The following VWA8 variants were observed in gnomAD, a reference collection of about 807,000 sequenced individuals.
VWA8 encodes von Willebrand factor A domain-containing protein 8.
Under a neutral mutation model 241.5 loss-of-function variants are expected in VWA8, and 221 were observed. The observed-to-expected ratio is 0.91, with a 90% CI of 0.82 to 1.02. VWA8 has a LOEUF of 1.02. Among genes scored for constraint, VWA8 ranks in the 50% least tolerant of loss-of-function variants. The probability of loss-of-function intolerance (pLI) is 0.00; values close to 1 mark genes in which losing one functional copy is unlikely to be tolerated. For synonymous variants in VWA8, 852 were observed against 827.1 expected (o/e 1.03, Z -0.52); for missense variants, 2,322 against 2,328.7 (o/e 1.00, Z 0.06).
At position 41,614,047 on chromosome 13, in the gene VWA8, A is replaced by G. The variant is rs1387267661; in HGVS notation, c.4720+929T>C. ...CCACATCTGGCCAGCTCGTCCCACA[A>G]TGCATTCCATATGGATTAAATCTTG... is the stretch of plus-strand genomic sequence containing the variant. On this transcript the variant is annotated intron_variant, in intron 38 of 44. Coordinates refer to ENST00000379310, the MANE Select transcript of VWA8 (RefSeq NM_015058.2). Among the ~76,000 whole-genome samples the G allele has an allele frequency of 1.1e-3, 170 of 152,344 alleles. 1 individual carries two copies. The highest frequency in any genetic ancestry group is 2.4e-4 in the Non-Finnish European group (16 of 68,026).
intron 40 of VWA8, among the ~76,000 whole-genome samples, chr13:41,599,383 T>C (rs1374311141): frequency 6.6e-6 from 1 of 152,156 alleles, no homozygotes; most frequent in African/African-American, 2.4e-5. Flanking sequence ...ATACTTCAAA[T>C]TTCTTTGAAT....
intron 43 of VWA8, among the ~76,000 whole-genome samples, chr13:41,571,145 TGATGTG>T (rs2139630249): frequency 6.6e-6 from 1 of 152,120 alleles, no homozygotes; most frequent in South Asian, 2.1e-4. Flanking sequence ...CTTAAAATTG[TGATGTG>T]CATTTTTCTG....
chr13:41,625,810 T>C (rs1353884750), intron 37 of VWA8, among the ~76,000 whole-genome samples: 5 of 151,592 alleles, frequency 3.3e-5, no homozygotes, highest in African/African-American at 4.9e-5. Flanking sequence ...CTATTCACAA[T>C]AGCAAAGATT....
intron 16 of VWA8, among the ~76,000 whole-genome samples, chr13:41,814,846 G>T (rs994908860): frequency 6.6e-6 from 1 of 152,108 alleles, no homozygotes. Flanking sequence ...ATGCTGGGGA[G>T]ACTACAGGGA....
Position 41,761,127 on chromosome 13 carries a change from C to G in VWA8, c.2426+1G>C. ...AGAGGTTGTGGGTCTAATAGTCTTACCTGTGTAGCTGAATATATTCTCGGG... is the reference window on the plus strand; with the variant it reads ...AGAGGTTGTGGGTCTAATAGTCTTAGCTGTGTAGCTGAATATATTCTCGGG... On this transcript the variant is annotated splice_donor_variant, in intron 21 of 44. Transcript: ENST00000379310. LOFTEE classifies it high-confidence loss of function. 6 of 1,610,274 alleles carry G rather than the reference C, an allele frequency of 3.7e-6. No homozygotes were observed. The highest frequency in any genetic ancestry group is 5.1e-6 in the Non-Finnish European group (6 of 1,177,834).
chr13:41,581,779 T>C (rs61293753), intron 42 of VWA8, among the ~76,000 whole-genome samples: 3 of 152,100 alleles, frequency 2.0e-5, no homozygotes, highest in East Asian at 3.9e-4. Flanking sequence ...AGTGGAGAAA[T>C]AGTTACCTAA....
intron 21 of VWA8, among the ~76,000 whole-genome samples, chr13:41,741,002 T>C (rs2045565620): frequency 6.6e-6 from 1 of 152,226 alleles, no homozygotes; most frequent in African/African-American, 2.4e-5. Flanking sequence ...AGGCTCTGCC[T>C]GATCAACCTA....
chr13:41,634,550 G>A (rs1488778011), intron 37 of VWA8, among the ~76,000 whole-genome samples: 1 of 152,156 alleles, frequency 6.6e-6, no homozygotes, highest in Non-Finnish European at 1.5e-5. Context: ...AGCCTGAGAG[G>A]AATCAGCAGT....
intron 5 of VWA8, among the ~76,000 whole-genome samples, chr13:41,890,859 G>C (rs1180147669): frequency 6.6e-6 from 1 of 152,228 alleles, no homozygotes; most frequent in East Asian, 1.9e-4. Context: ...GTTGAGACCA[G>C]TGTCAGGAAG....
intron 37 of VWA8, among the ~76,000 whole-genome samples, chr13:41,663,855 CGTT>C (rs1282290386): frequency 1.3e-5 from 2 of 151,110 alleles, no homozygotes; most frequent in Non-Finnish European, 3.0e-5. Flanking sequence ...ATTGAACCGT[CGTT>C]AAGTCGGGGA....
At chr13:41,582,413 G>A (rs1254223387) in intron 42 of VWA8, among the ~76,000 whole-genome samples, 1 of 152,122 alleles carries the variant, frequency 6.6e-6, no homozygotes, top group African/African-American at 2.4e-5. Context: ...CAGGCCAGCG[G>A]CTTCTGAAGG....
At chr13:41,700,581 A>G (rs1171583731) in intron 28 of VWA8, among the ~76,000 whole-genome samples, 1 of 152,236 alleles carries the variant, frequency 6.6e-6, no homozygotes, top group East Asian at 1.9e-4. Flanking sequence ...TGTACTTAAT[A>G]AACTCTTTAA....
chr13:41,693,383 A>C, intron 29 of VWA8, among the ~76,000 whole-genome samples: 1 of 152,130 alleles, frequency 6.6e-6, no homozygotes, highest in East Asian at 1.9e-4. Context: ...TTATACTTAG[A>C]GAATGCTCAG....
intron 8 of VWA8, among the ~76,000 whole-genome samples, chr13:41,884,903 AT>A (rs772148852): frequency 1.7e-3 from 111 of 65,992 alleles, no homozygotes; most frequent in Non-Finnish European, 1.5e-4. Flanking sequence ...ACATACATAC[AT>A]ACATACATAC....
chr13:41,779,375 C>T (rs1439335717), intron 19 of VWA8, among the ~76,000 whole-genome samples: 1 of 151,802 alleles, frequency 6.6e-6, no homozygotes, highest in African/African-American at 2.4e-5. Context: ...CCTTCAGGAA[C>T]AAATGAGTAT....
chr13:41,689,464 A>G lies in VWA8; in HGVS notation c.4021T>C (p.Ser1341Pro). Residue 1341 changes from serine to proline, a missense_variant, in exon 34 of 45, where the codon TCA becomes CCA. Physicochemically the swap from Ser to Pro is moderately conservative, Grantham distance 74. Transcript: ENST00000379310. Reference protein sequence around the residue: ...IPHKISSDQLSSEHLSSAVEQ... With the variant: ...IPHKISSDQLPSEHLSSAVEQ... ...ACAGCTGAACTTAGATGTTCAGATGATAGTTGATCACTGGAAATTTTATGA... is the reference window on the plus strand; with the variant it reads ...ACAGCTGAACTTAGATGTTCAGATGGTAGTTGATCACTGGAAATTTTATGA... 1.2e-6 allele frequency: 2 copies of G among 1,611,454 alleles called. No individual in the cohort carries two copies. The highest frequency in any genetic ancestry group is 1.7e-6 in the Non-Finnish European group (2 of 1,178,922).
Position 41,884,443 on chromosome 13 carries a change from C to T in VWA8, c.976-952G>A, listed in dbSNP as rs576002206. 5.2e-4 allele frequency among the ~76,000 whole-genome samples: 79 copies of T among 152,326 alleles called. 1 individual carries two copies. Among genetic ancestry groups the T allele is most frequent in the African/African-American group, 1.7e-3 (69 of 41,568 alleles). ...CTGAGGCCTCCATAGCCTTGCAGAA[C>T]TGTGAGTCAATTAAACCTCTTTTCT... On this transcript the variant is annotated intron_variant, in intron 8 of 44. Coordinates refer to ENST00000379310, the MANE Select transcript of VWA8 (RefSeq NM_015058.2).
At chr13:41,732,005 C>A (rs2045487710) in intron 22 of VWA8, 75 bp downstream of exon 22, 11 of 1,297,048 alleles carry the variant, frequency 8.5e-6, no homozygotes, top group Non-Finnish European at 1.2e-5. Flanking sequence ...CATGAGAGTT[C>A]CATCCTCCAA....
At chr13:41,793,566 C>G (rs990284367) in intron 17 of VWA8, among the ~76,000 whole-genome samples, 2 of 152,278 alleles carry the variant, frequency 1.3e-5, no homozygotes, top group African/African-American at 4.8e-5. Context: ...GTAATCCCAG[C>G]ACTTTGGGAG....
Sources: gnomAD v4.1 joint callset for allele counts (sites outside exome capture counted in the v4.1 genomes callset) on GRCh38, gnomAD v4.1.1 for gene constraint, MANE v1.5 for transcripts, NCBI Gene and HGNC (gene_info 2026-07-23, HGNC 2026-07-21) for gene names.